The following TLN1 variants were observed in gnomAD, a reference collection of about 807,000 sequenced individuals.
TLN1 encodes talin-1.
In TLN1, 56 loss-of-function variants were observed where a neutral mutation model predicts 292.3. The ratio of observed to expected loss-of-function variants is 0.19; its 90% confidence interval spans 0.15 to 0.24. The LOEUF (loss-of-function observed/expected upper bound fraction) is 0.24. TLN1 is among the 10% of genes least tolerant of loss of function. The pLI, the probability that TLN1 is intolerant of heterozygous loss-of-function variation, is 1.00. For missense variants in TLN1, 2,433 were observed against 3,248.2 expected (o/e 0.75, Z 6.10); for synonymous variants, 1,119 against 1,253.7 (o/e 0.89, Z 2.27).
In TLN1 at chr9:35,714,316, C is replaced by G. The variant is rs1267861356; in HGVS notation, c.3043G>C (p.Ala1015Pro). ...CACTGACTCAGCTGCATGGCTGAAG[C>G]CTGGTCCTGAATCGTTGGCACTGAG... ...KASVPTIQDQ[A>P]SAMQLSQCAK... is the part of the protein sequence containing the mutation. The change falls in exon 24 of 57, where the codon GCT (alanine) becomes CCT (proline). Residue 1015 changes from alanine to proline, a missense_variant. This residue lies in a region of TLN1 where 617 missense variants were observed against 770.6 expected (regional missense o/e 0.80). Transcript: ENST00000314888. The surrounding 1 kb of genome is among the most constrained non-coding windows in gnomAD (Gnocchi z 4.6). 1 of 1,613,990 alleles carries G rather than the reference C, an allele frequency of 6.2e-7. No individual in the cohort carries two copies.
chr9:35,730,811 T>C (rs1180771453), intron 1 of TLN1, among the ~76,000 whole-genome samples: 6 of 152,144 alleles, frequency 3.9e-5, no homozygotes, highest in African/African-American at 9.6e-5. Context: ...ACAAGTGAAG[T>C]GGGAGAAGCA....
chr9:35,707,058 C>A lies in TLN1; in HGVS notation c.4955+14G>T. On this transcript the variant is annotated intron_variant, in intron 37 of 56. Transcript: ENST00000314888. This position sits in a 1 kb window ranked among gnomAD's most constrained non-coding sequence, Gnocchi z 5.6. ...TATGCCCCCCAGCCACACTGGTTCC[C>A]CATCCCTCAATACCTCATGCTTGTA... is the stretch of plus-strand genomic sequence containing the variant. 7 of 1,611,232 alleles carry A rather than the reference C, an allele frequency of 4.3e-6. No homozygotes were observed. Among genetic ancestry groups the A allele is most frequent in the Non-Finnish European group, 5.9e-6 (7 of 1,179,242 alleles).
In TLN1 at chr9:35,723,544, G is replaced by C. The variant is rs900085899; in HGVS notation, c.782+408C>G. 2.3e-5 allele frequency: 5 copies of C among 219,222 alleles called. No homozygotes were observed. The Admixed American group carries it at 2.8e-4, about 12-fold the overall frequency. 13.6% of individuals were successfully genotyped at this position (219,222 alleles called of 1,614,324 possible). On this transcript the variant is annotated intron_variant, in intron 7 of 56. Coordinates refer to ENST00000314888, the MANE Select transcript of TLN1 (RefSeq NM_006289.4). ...CAAGAGGAGAAAGAGCTTTCTAGAA[G>C]GATGAACATGCACTTAGGAAGCTGA...
At position 35,707,340 on chromosome 9, in the gene TLN1, C is replaced by T. The variant is rs769980997; in HGVS notation, c.4773+8G>A. On this transcript the variant is annotated splice_region_variant and intron_variant, in intron 36 of 56. Coordinates refer to ENST00000314888, the MANE Select transcript of TLN1 (RefSeq NM_006289.4). The surrounding 1 kb of genome is among the most constrained non-coding windows in gnomAD (Gnocchi z 5.6). ...TGGCCCATCAGTTCCCCCTTCACAT[C>T]GCCTCACCTCAGGGCTGATCTGGGC... The T allele has an allele frequency of 4.3e-6, 7 of 1,613,140 alleles. No individual in the cohort carries two copies. Among genetic ancestry groups the T allele is most frequent in the East Asian group, 4.5e-5 (2 of 44,852 alleles).
intron 27 of TLN1, 49 bp downstream of exon 27, chr9:35,712,786 T>C: frequency 6.6e-7 from 1 of 1,513,190 alleles, no homozygotes; most frequent in Non-Finnish European, 9.0e-7. Context: ...AGGGTGGGCC[T>C]TATGAAGGAA....
intron 33 of TLN1, among the ~76,000 whole-genome samples, chr9:35,709,911 A>G (rs1269890721): frequency 2.2e-5 from 3 of 134,792 alleles, no homozygotes; most frequent in African/African-American, 8.4e-5. Flanking sequence ...AAAAAAAAAA[A>G]AAAGAAAGTA....
chr9:35,709,227 G>A (rs539227960), intron 33 of TLN1, among the ~76,000 whole-genome samples: 37 of 152,258 alleles, frequency 2.4e-4, no homozygotes, highest in African/African-American at 7.9e-4. Flanking sequence ...CCCGGGAGGC[G>A]GAGGTTGCAG....
chr9:35,701,206 A>C (rs1220062893), intron 48 of TLN1, among the ~76,000 whole-genome samples: 1 of 152,220 alleles, frequency 6.6e-6, no homozygotes, highest in Non-Finnish European at 1.5e-5. Context: ...GGGATGGGGC[A>C]CAGAAAGGAA....
intron 1 of TLN1, among the ~76,000 whole-genome samples, chr9:35,730,443 A>T (rs917340703): frequency 4.0e-5 from 6 of 151,816 alleles, no homozygotes; most frequent in Admixed American, 3.9e-4. Context: ...GGGGAAGGGG[A>T]TCTACAAATG....
rs900330251 is a variant in TLN1 at position 35,704,803 on chromosome 9, T to C, written c.5746A>G (p.Ile1916Val). 18 of 1,613,654 alleles carry C rather than the reference T, an allele frequency of 1.1e-5. No homozygotes were observed. The highest frequency in any genetic ancestry group is 1.5e-5 in the Non-Finnish European group (18 of 1,179,764). The change falls in exon 44 of 57, where the codon ATC becomes GTC. Residue 1916 changes from isoleucine (I) to valine (V), a missense_variant. Ile to Val is a conservative substitution (Grantham distance 29). Coordinates refer to ENST00000314888, the MANE Select transcript of TLN1 (RefSeq NM_006289.4). The surrounding 1 kb of genome is among the most constrained non-coding windows in gnomAD (Gnocchi z 6.9). The part of the protein sequence containing the change: ...AAENEEIGSH[I>V]KHRVQELGHG... ...CCCAGCTCCTGTACCCGGTGTTTGATATGGGAACCTATCTGTGAGCCAAGG... is the reference window on the plus strand; with the variant it reads ...CCCAGCTCCTGTACCCGGTGTTTGACATGGGAACCTATCTGTGAGCCAAGG...
intron 1 of TLN1, 96 bp from the exon 2 acceptor site, chr9:35,725,823 G>A (rs1825966140): frequency 1.8e-6 from 2 of 1,112,898 alleles, no homozygotes; most frequent in Non-Finnish European, 1.3e-6. Context: ...TTTTGAAAGG[G>A]ACTCACCAAA....
chr9:35,716,825 C>T (rs1457706321), intron 19 of TLN1, among the ~76,000 whole-genome samples: 2 of 152,168 alleles, frequency 1.3e-5, no homozygotes, highest in Non-Finnish European at 2.9e-5. Flanking sequence ...GAAGATGAGA[C>T]ACTCTCTGAA....
At chr9:35,725,095 C>T in intron 3 of TLN1, 129 bp downstream of exon 3, 1 of 1,537,530 alleles carries the variant, frequency 6.5e-7, no homozygotes, top group African/African-American at 1.4e-5. Flanking sequence ...GGAATTATGA[C>T]TGTCTGTTAA....
chr9:35,698,268 T>G lies in TLN1; in HGVS notation c.7371+55A>C, dbSNP rs931649952. 1 of 1,607,782 alleles carries G rather than the reference T, an allele frequency of 6.2e-7. No individual in the cohort carries two copies. The highest frequency in any genetic ancestry group is 1.3e-5 in the African/African-American group (1 of 74,564). On this transcript the variant is annotated intron_variant, in intron 55 of 56. Coordinates refer to ENST00000314888, the MANE Select transcript of TLN1 (RefSeq NM_006289.4). This position sits in a 1 kb window ranked among gnomAD's most constrained non-coding sequence, Gnocchi z 5.3. The stretch of plus-strand genomic sequence containing the variant: ...CTCATAGAAACATACATCTCGGGAG[T>G]GACAGTTTGAAGCAGTATAGCCCAA...
chr9:35,701,039 A>T (rs369114567), intron 48 of TLN1, among the ~76,000 whole-genome samples: 33 of 152,334 alleles, frequency 2.2e-4, no homozygotes, highest in African/African-American at 7.9e-4. Flanking sequence ...GAACTACTTC[A>T]AATAGGTGGT....
chr9:35,727,359 G>A (rs1825996318), intron 1 of TLN1, among the ~76,000 whole-genome samples: 1 of 152,136 alleles, frequency 6.6e-6, no homozygotes, highest in Non-Finnish European at 1.5e-5. Flanking sequence ...TAGGAGAGAT[G>A]GGATGAGGAG....
chr9:35,721,370 G>A (rs1206195284), intron 10 of TLN1, among the ~76,000 whole-genome samples: 2 of 152,138 alleles, frequency 1.3e-5, no homozygotes, highest in Non-Finnish European at 2.9e-5. Flanking sequence ...GCTGAAACAG[G>A]GAGGTTATCA....
At chr9:35,709,780 G>A (rs1307354209) in intron 33 of TLN1, among the ~76,000 whole-genome samples, 8 of 150,060 alleles carry the variant, frequency 5.3e-5, no homozygotes, top group South Asian at 2.1e-4. Flanking sequence ...CCAGCTACAC[G>A]GGAGGCTGAG....
intron 12 of TLN1, 53 bp downstream of exon 12, chr9:35,720,380 G>C: frequency 6.3e-7 from 1 of 1,599,970 alleles, no homozygotes. Flanking sequence ...CTTAGAGTCA[G>C]GCCTTGCCTT....
Sources: gnomAD v4.1 joint callset for allele counts (sites outside exome capture counted in the v4.1 genomes callset) on GRCh38, gnomAD v4.1.1 for gene constraint, gnomAD v4.1.1 regional missense constraint, Gnocchi (gnomAD v3.1) non-coding constraint, MANE v1.5 for transcripts, NCBI Gene and HGNC (gene_info 2026-07-23, HGNC 2026-07-21) for gene names.